The following MDM4 variants were observed in gnomAD, a reference collection of about 807,000 sequenced individuals.
MDM4 encodes MDM4 regulator of p53, also known as protein Mdm4.
Under a neutral mutation model 60.2 loss-of-function variants are expected in MDM4, and 2 were observed. The observed-to-expected ratio is 0.03, with a 90% CI of 0.01 to 0.10. The LOEUF (loss-of-function observed/expected upper bound fraction) is 0.10, where lower values mean the gene tolerates loss of function less well. Among genes scored for constraint, MDM4 ranks in the 10% least tolerant of loss-of-function variants. The pLI is 1.00. For synonymous variants in MDM4, 202 were observed against 198.1 expected (o/e 1.02, Z -0.17); for missense variants, 447 against 577.5 (o/e 0.77, Z 2.32).
intron 10 of MDM4, among the ~76,000 whole-genome samples, chr1:204,547,454 C>T (rs886228573): frequency 6.6e-6 from 1 of 152,072 alleles, no homozygotes; most frequent in African/African-American, 2.4e-5. Flanking sequence ...TTGCTATTTC[C>T]CCATGTTTCT....
In MDM4 at chr1:204,538,257, G is replaced by C; in HGVS notation, c.460G>C (p.Asp154His). Residue 154 changes from aspartate (D) to histidine (H), a missense_variant, in exon 7 of 11, where the codon GAT (aspartate) becomes CAT (histidine). By Grantham distance (81) the Asp-to-His change is moderately conservative. This residue lies in a region of MDM4 where 184 missense variants were observed against 179.3 expected (regional missense o/e 1.03). Transcript: ENST00000367182. ...TTCCAGAAAAAGAACTACAGAAGAC[G>C]ATATCCCCACACTGCCTACCTCAGA... ...STSRKRTTED[D>H]IPTLPTSEHK... 6.2e-7 allele frequency: 1 copy of C among 1,612,106 alleles called. No homozygotes were observed. The highest frequency in any genetic ancestry group is 8.5e-7 in the Non-Finnish European group (1 of 1,178,192).
intron 1 of MDM4, among the ~76,000 whole-genome samples, chr1:204,519,177 C>T (rs570386850): frequency 2.4e-4 from 37 of 152,258 alleles, no homozygotes; most frequent in Middle Eastern, 6.8e-3. Flanking sequence ...GGATAGACCA[C>T]GTGTTTATCT....
intron 3 of MDM4, among the ~76,000 whole-genome samples, chr1:204,527,898 T>C (rs1660380531): frequency 6.6e-6 from 1 of 151,614 alleles, no homozygotes; most frequent in South Asian, 2.1e-4. Context: ...CCTTCACACC[T>C]ATCAACACTG....
At chr1:204,539,857 C>A (rs929028174) in intron 7 of MDM4, among the ~76,000 whole-genome samples, 1 of 152,012 alleles carries the variant, frequency 6.6e-6, no homozygotes, top group Non-Finnish European at 1.5e-5. Flanking sequence ...TCACATGACA[C>A]CACAAGTAGA....
intron 5 of MDM4, chr1:204,532,904 A>G: frequency 2.6e-6 from 4 of 1,518,014 alleles, no homozygotes. Context: ...TCAAGTTTAA[A>G]TTTTTTGCCA....
chr1:204,542,977 T>C (rs1662274847), intron 8 of MDM4, 33 bp downstream of exon 8: 1 of 1,568,420 alleles, frequency 6.4e-7, no homozygotes, highest in South Asian at 1.1e-5. Flanking sequence ...AGTGGTTTTT[T>C]TTCTTTTGAA....
intron 4 of MDM4, among the ~76,000 whole-genome samples, chr1:204,531,672 A>T (rs1444889270): frequency 6.6e-6 from 1 of 152,034 alleles, no homozygotes. Context: ...CTCTACTAAA[A>T]ATACAAAAAA....
intron 3 of MDM4, among the ~76,000 whole-genome samples, chr1:204,527,292 C>T (rs987661591): frequency 6.6e-6 from 1 of 151,648 alleles, no homozygotes; most frequent in African/African-American, 2.4e-5. Flanking sequence ...GAGACCCTGT[C>T]TCAGAAAAAA....
intron 5 of MDM4, among the ~76,000 whole-genome samples, chr1:204,536,338 CAAACTTTTT>C (rs1661423986): frequency 2.0e-5 from 3 of 152,240 alleles, no homozygotes; most frequent in Admixed American, 1.3e-4. Context: ...TGCTGTCTCT[CAAACTTTTT>C]GTTGTCTCCG....
At chr1:204,537,249 C>CT (rs1238107272) in intron 5 of MDM4, among the ~76,000 whole-genome samples, 181 bp from the exon 6 acceptor site, 1 of 151,766 alleles carries the variant, frequency 6.6e-6, no homozygotes, top group African/African-American at 2.4e-5. Flanking sequence ...CTGTCTTGGT[C>CT]TTTGTCATTT....
At position 204,549,151 on chromosome 1, in the gene MDM4, T is replaced by A. The variant is rs1201812568; in HGVS notation, c.942T>A (p.Ser314=). ...GTACTGAATGCAAGAAATTTAACTC[T>A]CCAAGCAAGAGGTACTGTTTTCGTT... ...WQCTECKKFN[S]PSKRYCFRCW... is the part of the protein sequence containing the mutation. Residue 314 remains serine (S), a synonymous_variant, in exon 11 of 11, where the codon TCT becomes TCA. Transcript: ENST00000367182. 1.9e-6 allele frequency: 3 copies of A among 1,613,164 alleles called. No homozygotes were observed. The highest frequency in any genetic ancestry group is 2.5e-6 in the Non-Finnish European group (3 of 1,179,496).
chr1:204,528,962 C>A, intron 3 of MDM4: 1 of 1,550,802 alleles, frequency 6.4e-7, no homozygotes. Flanking sequence ...GGGTGCACAC[C>A]TGGATGAAGC....
At chr1:204,546,723 C>T in intron 9 of MDM4, 74 bp from the exon 10 acceptor site, 1 of 951,834 alleles carries the variant, frequency 1.1e-6, no homozygotes, top group Non-Finnish European at 1.7e-6. Flanking sequence ...AAGCAGTTGT[C>T]TTTTTTGCTT....
chr1:204,524,465 T>G (rs920854106), intron 1 of MDM4, among the ~76,000 whole-genome samples: 1 of 152,222 alleles, frequency 6.6e-6, no homozygotes, highest in Non-Finnish European at 1.5e-5. Context: ...TAAATGAAGG[T>G]TAACTTAAGT....
At chr1:204,532,682 A>C in intron 5 of MDM4, 1 of 1,383,366 alleles carries the variant, frequency 7.2e-7, no homozygotes, top group East Asian at 2.3e-5. Context: ...AAGTCCACAC[A>C]TTGCCTTTGG....
chr1:204,528,951 T>C, intron 3 of MDM4: 1 of 1,566,290 alleles, frequency 6.4e-7, no homozygotes, highest in Admixed American at 1.7e-5. Flanking sequence ...CATCTGCAGC[T>C]GGGTGCACAC....
At chr1:204,531,137 G>A (rs1660814038) in intron 4 of MDM4, among the ~76,000 whole-genome samples, 1 of 152,126 alleles carries the variant, frequency 6.6e-6, no homozygotes, top group Non-Finnish European at 1.5e-5. Flanking sequence ...GAGTGTTAGA[G>A]GTCAAGAAAA....
In MDM4 at chr1:204,521,415, TA is replaced by T. The variant is rs1328880351; in HGVS notation, c.-35-4067del. Among the ~76,000 whole-genome samples the T allele has an allele frequency of 3.3e-5, 5 of 152,156 alleles. 1 individual carries two copies. In the South Asian group the frequency reaches 8.3e-4, roughly 25 times the overall value. On this transcript the variant is annotated intron_variant, in intron 1 of 10. Coordinates refer to ENST00000367182, the MANE Select transcript of MDM4 (RefSeq NM_002393.5). ...TTTGTTTTGTTTTCTTTCTTTTTTT[TA>T]AGGACACCTCGAGACCGTTGAGTAA...
chr1:204,541,984 C>G (rs555317792), intron 7 of MDM4, among the ~76,000 whole-genome samples: 1 of 152,278 alleles, frequency 6.6e-6, no homozygotes, highest in Non-Finnish European at 1.5e-5. Context: ...CAACAAAAGA[C>G]TGGAGTATGG....
Sources: gnomAD v4.1 joint callset for allele counts (sites outside exome capture counted in the v4.1 genomes callset) on GRCh38, gnomAD v4.1.1 for gene constraint, gnomAD v4.1.1 regional missense constraint, MANE v1.5 for transcripts, NCBI Gene and HGNC (gene_info 2026-07-23, HGNC 2026-07-21) for gene names.